The following ARHGAP6 variants were observed in gnomAD, a reference collection of about 807,000 sequenced individuals.
ARHGAP6 encodes Rho GTPase activating protein 6, also known as rho GTPase-activating protein 6.
ARHGAP6 carries 16 observed loss-of-function variants against 55.7 expected under a neutral mutation model. That is an observed-to-expected ratio of 0.29 (90% CI 0.19 to 0.44). The LOEUF is 0.44. Ranked by LOEUF, ARHGAP6 falls within the 20% of genes least tolerant of loss-of-function variation. ARHGAP6 has a pLI of 1.00. For missense variants in ARHGAP6, 698 were observed against 808.9 expected (o/e 0.86, Z 1.66); for synonymous variants, 382 against 360.9 (o/e 1.06, Z -0.66).
chrX:11,142,640 C>T (rs2045636348), intron 11 of ARHGAP6: 1 of 119,905 alleles, frequency 8.3e-6, no homozygotes, highest in Non-Finnish European at 1.7e-5. Context: ...GGGAGATTTT[C>T]CTGGATTATC....
In ARHGAP6 at chrX:11,652,538, C is replaced by T. The variant is rs187889386; in HGVS notation, c.588+11703G>A. Among the ~76,000 whole-genome samples the T allele has an allele frequency of 1.4e-3, 157 of 112,217 alleles. 1 individual carries two copies. The highest frequency in any genetic ancestry group is 2.4e-3 in the Non-Finnish European group (128 of 53,243). ...TGTAGTTGGATATATTCACAATTCT[C>T]ATCTGCCAGAAAGAAAATATGACCC... On this transcript the variant is annotated intron_variant, in intron 1 of 12. Coordinates refer to ENST00000337414, the MANE Select transcript of ARHGAP6 (RefSeq NM_013427.3).
intron 1 of ARHGAP6, among the ~76,000 whole-genome samples, chrX:11,608,823 C>T (rs2052067606): frequency 9.0e-6 from 1 of 111,421 alleles, no homozygotes; most frequent in Non-Finnish European, 1.9e-5. Flanking sequence ...TTTCACTTCC[C>T]ACCATGATTC....
At chrX:11,549,717 T>G (rs2051246896) in intron 1 of ARHGAP6, among the ~76,000 whole-genome samples, 1 of 112,499 alleles carries the variant, frequency 8.9e-6, no homozygotes, top group African/African-American at 3.2e-5. Context: ...GAAAAAGCAG[T>G]ACTCAAAGTG....
intron 1 of ARHGAP6, among the ~76,000 whole-genome samples, chrX:11,481,774 T>G (rs1157432814): frequency 8.9e-6 from 1 of 112,884 alleles, no homozygotes; most frequent in Non-Finnish European, 1.9e-5. Context: ...ATTTGCTTAA[T>G]CTGGCAACCC....
intron 2 of ARHGAP6, among the ~76,000 whole-genome samples, chrX:11,200,638 A>C (rs1417520090): frequency 8.9e-6 from 1 of 112,143 alleles, no homozygotes; most frequent in Non-Finnish European, 1.9e-5. Context: ...CTCTAGTTAG[A>C]CTAGCTCTCT....
At chrX:11,551,717 C>T (rs765752172) in intron 1 of ARHGAP6, among the ~76,000 whole-genome samples, 13 of 111,683 alleles carry the variant, frequency 1.2e-4, no homozygotes, top group Middle Eastern at 4.6e-3. Context: ...TTTGGACAGA[C>T]AGAGAGATAC....
At chrX:11,420,531 C>T (rs745354094) in intron 1 of ARHGAP6, among the ~76,000 whole-genome samples, 13 of 111,131 alleles carry the variant, frequency 1.2e-4, no homozygotes, top group East Asian at 5.6e-4. Flanking sequence ...GAGTTAAGAA[C>T]GGGCTCTGCA....
intron 2 of ARHGAP6, among the ~76,000 whole-genome samples, chrX:11,217,477 T>C (rs1212019076): frequency 8.9e-6 from 1 of 112,583 alleles, no homozygotes; most frequent in African/African-American, 3.2e-5. Context: ...AATGACAAGC[T>C]TTTTTTCATA....
At chrX:11,579,733 T>G (rs1458644516) in intron 1 of ARHGAP6, among the ~76,000 whole-genome samples, 1 of 112,373 alleles carries the variant, frequency 8.9e-6, no homozygotes, top group East Asian at 2.8e-4. Context: ...TGATTCTTTA[T>G]AGCTTGTGGG....
intron 1 of ARHGAP6, among the ~76,000 whole-genome samples, chrX:11,456,607 C>T (rs770543692): frequency 1.8e-5 from 2 of 111,397 alleles, no homozygotes; most frequent in African/African-American, 3.3e-5. Flanking sequence ...GTGGGGCAAG[C>T]CCACTGATGC....
chrX:11,647,977 A>AAGCAGGAAAAGGATATT (rs1295400223), intron 1 of ARHGAP6, among the ~76,000 whole-genome samples: 21 of 112,383 alleles, frequency 1.9e-4, no homozygotes, highest in South Asian at 7.4e-4. Flanking sequence ...TCAGGTCCTG[A>AAGCAGGAAAAGGATATT]AGCAGGAAAA....
chrX:11,365,567 G>C (rs926952563), intron 1 of ARHGAP6, among the ~76,000 whole-genome samples: 5 of 112,497 alleles, frequency 4.4e-5, no homozygotes, highest in African/African-American at 1.6e-4. Flanking sequence ...TATGCCTATA[G>C]TGATGTGTTA....
chrX:11,495,426 G>T (rs1046221504), intron 1 of ARHGAP6, among the ~76,000 whole-genome samples: 1 of 112,039 alleles, frequency 8.9e-6, no homozygotes, highest in African/African-American at 3.2e-5. Flanking sequence ...TTTGGGAAAG[G>T]TTTTTTTCCA....
At chrX:11,373,094 A>AACACAC (rs71907621) in intron 1 of ARHGAP6, among the ~76,000 whole-genome samples, 5 of 98,868 alleles carry the variant, frequency 5.1e-5, no homozygotes, top group Admixed American at 1.1e-4. Flanking sequence ...CACACACACA[A>AACACAC]ACACACACAC....
chrX:11,276,875 G>A (rs896871712), intron 1 of ARHGAP6, among the ~76,000 whole-genome samples: 5 of 111,853 alleles, frequency 4.5e-5, no homozygotes, highest in Non-Finnish European at 7.5e-5. Context: ...TAATAGAAGA[G>A]CTTGGACATA....
In ARHGAP6 at chrX:11,587,802, C is replaced by A. The variant is rs746309278; in HGVS notation, c.588+76439G>T. Among the ~76,000 whole-genome samples the A allele has an allele frequency of 1.9e-3, 216 of 111,789 alleles. 1 individual carries two copies. Among genetic ancestry groups the A allele is most frequent in the Non-Finnish European group, 2.3e-3 (121 of 53,169 alleles). On this transcript the variant is annotated intron_variant, in intron 1 of 12. Transcript: ENST00000337414. ...TGGATTTCCTGAAAGGAATTAACTCCTTAATGTGCTGCAAGATGGAGAACA... is the reference window on the plus strand; with the variant it reads ...TGGATTTCCTGAAAGGAATTAACTCATTAATGTGCTGCAAGATGGAGAACA...
At chrX:11,403,476 A>C (rs914441798) in intron 1 of ARHGAP6, among the ~76,000 whole-genome samples, 11 of 112,401 alleles carry the variant, frequency 9.8e-5, no homozygotes, top group African/African-American at 3.6e-4. Flanking sequence ...GAACTTTTCT[A>C]TTGTTTGCAT....
chrX:11,648,453 A>T (rs1257589136), intron 1 of ARHGAP6, among the ~76,000 whole-genome samples: 32 of 112,130 alleles, frequency 2.9e-4, no homozygotes, highest in South Asian at 7.4e-4. Flanking sequence ...CAGTTTAAAA[A>T]ACCTAAAGTT....
intron 1 of ARHGAP6, among the ~76,000 whole-genome samples, chrX:11,612,257 A>T (rs1222544780): frequency 8.9e-6 from 1 of 111,917 alleles, no homozygotes; most frequent in Non-Finnish European, 1.9e-5. Context: ...TCTCTTGTTA[A>T]ATACTGTACA....
Sources: allele counts gnomAD v4.1 joint callset (sites outside exome capture counted in the v4.1 genomes callset), GRCh38; gene constraint gnomAD v4.1.1; transcripts MANE v1.5; gene names NCBI Gene and HGNC (gene_info 2026-07-23, HGNC 2026-07-21).